Variants in FRMD4B observed in about 807,000 individuals in gnomAD.
FRMD4B encodes FERM domain-containing protein 4B.
In FRMD4B, 74 loss-of-function variants were observed where a neutral mutation model predicts 141.5. The observed-to-expected ratio is 0.52, with a 90% CI of 0.43 to 0.63. The LOEUF (loss-of-function observed/expected upper bound fraction) is 0.63, where lower values mean the gene tolerates loss of function less well. FRMD4B is among the 30% of genes least tolerant of loss of function. The probability of loss-of-function intolerance (pLI) is 0.00; values close to 1 mark genes in which losing one functional copy is unlikely to be tolerated. For missense variants in FRMD4B, 1,366 were observed against 1,253.4 expected (o/e 1.09, Z -1.36); for synonymous variants, 506 against 467.9 (o/e 1.08, Z -1.05).
chr3:69,224,778 T>C, intron 7 of FRMD4B, 88 bp from the exon 8 acceptor site: 2 of 718,526 alleles, frequency 2.8e-6, no homozygotes, highest in Admixed American at 4.6e-5. Context: ...ATTAAAAAAA[T>C]AACTATTTAC....
chr3:69,287,987 C>T (rs1437824120), intron 4 of FRMD4B, among the ~76,000 whole-genome samples, 151 bp from the exon 5 acceptor site: 1 of 152,122 alleles, frequency 6.6e-6, no homozygotes, highest in Non-Finnish European at 1.5e-5. Context: ...ATGCACCGCA[C>T]GTATTTATGT....
chr3:69,486,788 G>A (rs950606427), intron 1 of FRMD4B, among the ~76,000 whole-genome samples: 5 of 152,192 alleles, frequency 3.3e-5, no homozygotes, highest in African/African-American at 4.8e-5. Flanking sequence ...ACACTGATGT[G>A]AGGCAAAGTA....
At chr3:69,175,990 C>T (rs948468699) in intron 22 of FRMD4B, among the ~76,000 whole-genome samples, 3 of 151,938 alleles carry the variant, frequency 2.0e-5, no homozygotes, top group African/African-American at 7.3e-5. Context: ...CCGTGTTAGC[C>T]AGGATGGTCT....
chr3:69,233,639 T>A (rs1054992320), intron 7 of FRMD4B, among the ~76,000 whole-genome samples: 1 of 152,192 alleles, frequency 6.6e-6, no homozygotes, highest in Non-Finnish European at 1.5e-5. Flanking sequence ...TAAAGCCTGT[T>A]ATTAAGTGTA....
At chr3:69,416,052 G>A (rs1301517997) in intron 2 of FRMD4B, among the ~76,000 whole-genome samples, 1 of 152,164 alleles carries the variant, frequency 6.6e-6, no homozygotes, top group African/African-American at 2.4e-5. Context: ...TTATATAGGG[G>A]AACCACTTTT....
Position 69,385,906 on chromosome 3 carries a change from C to A in FRMD4B, c.84G>T (p.Leu28=). 1 of 1,604,410 alleles carries A rather than the reference C, an allele frequency of 6.2e-7. No homozygotes were observed. The highest frequency in any genetic ancestry group is 1.7e-5 in the Admixed American group (1 of 58,842). The change falls in exon 1 of 23, where the codon CTG becomes CTT. Residue 28 remains leucine, a synonymous_variant. Transcript: ENST00000398540. ...RFVWNLTVST[L]RRWYTERLRA... ...GCAGCCTCTCCGTGTACCATCTCCGCAGCGTGGACACGGTCAAGTTCCATA... is the reference window on the plus strand; with the variant it reads ...GCAGCCTCTCCGTGTACCATCTCCGAAGCGTGGACACGGTCAAGTTCCATA...
At chr3:69,475,153 G>C (rs995497012) in intron 1 of FRMD4B, among the ~76,000 whole-genome samples, 1 of 151,914 alleles carries the variant, frequency 6.6e-6, no homozygotes. Flanking sequence ...ACAGTCTGAG[G>C]TGTCATAAGC....
Position 69,189,876 on chromosome 3 carries a change from A to G in FRMD4B, c.1771+20T>C, listed in dbSNP as rs370211491. 6.6e-7 allele frequency: 1 copy of G among 1,512,282 alleles called. No homozygotes were observed. Among genetic ancestry groups the G allele is most frequent in the Non-Finnish European group, 9.2e-7 (1 of 1,089,192 alleles). 93.7% of individuals were successfully genotyped at this position (1,512,282 alleles called of 1,614,324 possible). The stretch of plus-strand genomic sequence containing the variant: ...CAGAATATCTAACATTTTTAAACCA[A>G]AAAAGGAAGAGCCACTTACGATCAT... On this transcript the variant is annotated intron_variant, in intron 18 of 22. Transcript: ENST00000398540.
intron 2 of FRMD4B, among the ~76,000 whole-genome samples, chr3:69,405,779 G>C (rs1414535942): frequency 1.3e-5 from 2 of 152,164 alleles, no homozygotes; most frequent in East Asian, 3.9e-4. Flanking sequence ...AATGAGCCAT[G>C]ATGACCTGCT....
chr3:69,231,406 G>A (rs1255822388), intron 7 of FRMD4B, among the ~76,000 whole-genome samples: 1 of 152,120 alleles, frequency 6.6e-6, no homozygotes, highest in African/African-American at 2.4e-5. Context: ...TCCTTCCTCA[G>A]CCCTCCCAGT....
rs879879445 is a variant in FRMD4B at position 69,181,551 on chromosome 3, T to C, written c.2199A>G (p.Thr733=). 3 of 1,613,864 alleles carry C rather than the reference T, an allele frequency of 1.9e-6. No individual in the cohort carries two copies. The highest frequency in any genetic ancestry group is 2.7e-5 in the African/African-American group (2 of 75,022). The part of the protein sequence containing the change: ...TEILDDGSSY[T]SQSSTEYYCV... ...AGTAATACTCTGTGCTTGATTGGCT[T>C]GTATAAGAAGACCCGTCATCGAGGA... is the stretch of plus-strand genomic sequence containing the variant. The change falls in exon 21 of 23, where the codon ACA becomes ACG. Residue 733 remains threonine, a synonymous_variant. Coordinates refer to ENST00000398540, the MANE Select transcript of FRMD4B (RefSeq NM_015123.3).
At chr3:69,535,140 A>G (rs1368940806) in intron 1 of FRMD4B, among the ~76,000 whole-genome samples, 1 of 152,238 alleles carries the variant, frequency 6.6e-6, no homozygotes, top group Non-Finnish European at 1.5e-5. Flanking sequence ...AGGTTAAGTC[A>G]CTTGGTCAAA....
chr3:69,530,002 A>C (rs1700988611), intron 1 of FRMD4B, among the ~76,000 whole-genome samples: 1 of 152,196 alleles, frequency 6.6e-6, no homozygotes, highest in East Asian at 1.9e-4. Flanking sequence ...TTCCCATGAT[A>C]ACAGGAATTG....
intron 10 of FRMD4B, among the ~76,000 whole-genome samples, chr3:69,217,026 A>G (rs1575620029): frequency 1.3e-5 from 2 of 152,184 alleles, no homozygotes; most frequent in African/African-American, 4.8e-5. Flanking sequence ...GTAACCAGTT[A>G]TAAAAGGTTG....
chr3:69,353,628 GGT>G lies in FRMD4B; in HGVS notation c.162+32198_162+32199del, dbSNP rs964418579. 2.1e-3 allele frequency: 1,976 copies of G among 934,628 alleles called. 4 individuals are homozygous for G. Among genetic ancestry groups the G allele is most frequent in the Middle Eastern group, 3.4e-3 (6 of 1,782 alleles). 57.9% of individuals were successfully genotyped at this position (934,628 alleles called of 1,614,324 possible). ...AGACACACGTATTAAGCACTTGTGC[GGT>G]GTGTGTGTGTGTGCGCGCGCGTGTG... On this transcript the variant is annotated intron_variant, in intron 1 of 22. Transcript: ENST00000398540.
intron 3 of FRMD4B, 80 bp downstream of exon 3, chr3:69,311,183 C>A: frequency 1.5e-6 from 1 of 646,064 alleles, no homozygotes; most frequent in Non-Finnish European, 2.8e-6. Context: ...GGACTTATTT[C>A]CTTTTTTGTT....
intron 1 of FRMD4B, among the ~76,000 whole-genome samples, chr3:69,527,900 T>C (rs1700953035): frequency 6.6e-6 from 1 of 152,200 alleles, no homozygotes; most frequent in African/African-American, 2.4e-5. Flanking sequence ...TCTCACAAAA[T>C]GCCCCACAAA....
intron 1 of FRMD4B, among the ~76,000 whole-genome samples, chr3:69,484,159 T>G (rs1382875084): frequency 3.3e-5 from 5 of 152,196 alleles, no homozygotes; most frequent in Non-Finnish European, 7.3e-5. Flanking sequence ...AAAATAATCT[T>G]AGTGCATTTA....
In FRMD4B at chr3:69,233,009, C is replaced by T. The variant is rs2093320916; in HGVS notation, c.582-8319G>A. ...TCAAGTGATCCTCCCATCTTGGCTTCTCAAAGTACTGGGATTACAGGCATG... is the reference window on the plus strand; with the variant it reads ...TCAAGTGATCCTCCCATCTTGGCTTTTCAAAGTACTGGGATTACAGGCATG... On this transcript the variant is annotated intron_variant, in intron 7 of 22. Transcript: ENST00000398540. Among the ~76,000 whole-genome samples, 4 of 148,916 alleles carry T rather than the reference C, an allele frequency of 2.7e-5. No homozygotes were observed. In the Admixed American group the frequency reaches 2.7e-4, roughly 10 times the overall value.
Sources: gnomAD v4.1 joint callset for allele counts (sites outside exome capture counted in the v4.1 genomes callset) on GRCh38, gnomAD v4.1.1 for gene constraint, MANE v1.5 for transcripts, NCBI Gene and HGNC (gene_info 2026-07-23, HGNC 2026-07-21) for gene names.